The following MAN1A1 variants were observed in gnomAD, a reference collection of about 807,000 sequenced individuals.
MAN1A1 encodes mannosyl-oligosaccharide 1,2-alpha-mannosidase IA.
A neutral mutation model predicts 70.8 loss-of-function variants in MAN1A1; 29 were observed. The observed-to-expected ratio is 0.41, with a 90% CI of 0.31 to 0.56. The LOEUF is 0.56. Ranked by LOEUF, MAN1A1 falls within the 20% of genes least tolerant of loss-of-function variation. The probability of loss-of-function intolerance (pLI) is 0.29; values close to 1 mark genes in which losing one functional copy is unlikely to be tolerated. For synonymous variants in MAN1A1, 349 were observed against 330.1 expected (o/e 1.06, Z -0.62); for missense variants, 747 against 841.3 (o/e 0.89, Z 1.39).
intron 5 of MAN1A1, among the ~76,000 whole-genome samples, chr6:119,288,909 C>T (rs966461241): frequency 1.3e-5 from 2 of 151,480 alleles, no homozygotes; most frequent in Admixed American, 6.6e-5. Flanking sequence ...GTGATAATGG[C>T]AAAACAGACT....
In MAN1A1 at chr6:119,310,973, G is replaced by A. The variant is rs953812546; in HGVS notation, c.604-3981C>T. 8.5e-5 allele frequency among the ~76,000 whole-genome samples: 13 copies of A among 152,310 alleles called. No homozygotes were observed. The East Asian group carries it at 2.3e-3, about 27-fold the overall frequency. The stretch of plus-strand genomic sequence containing the variant: ...CTTCTCATTTACTGAGGAGTAAGGC[G>A]TAAAAGCGGGTCACGGGCGAACGCA... On this transcript the variant is annotated intron_variant, in intron 2 of 12. Coordinates refer to ENST00000368468, the MANE Select transcript of MAN1A1 (RefSeq NM_005907.4).
At chr6:119,209,251 TTAAA>T (rs1237693314) in intron 6 of MAN1A1, among the ~76,000 whole-genome samples, 8 of 152,172 alleles carry the variant, frequency 5.3e-5, no homozygotes, top group Admixed American at 5.2e-4. Context: ...AAACAAAGCA[TTAAA>T]TAGTTATAAA....
At chr6:119,306,231 T>G (rs1187619305) in intron 3 of MAN1A1, among the ~76,000 whole-genome samples, 1 of 152,104 alleles carries the variant, frequency 6.6e-6, no homozygotes, top group African/African-American at 2.4e-5. Flanking sequence ...AGAAATCAAG[T>G]GCAGTAGGAG....
At chr6:119,216,196 G>A (rs1041436487) in intron 6 of MAN1A1, among the ~76,000 whole-genome samples, 1 of 152,166 alleles carries the variant, frequency 6.6e-6, no homozygotes, top group Non-Finnish European at 1.5e-5. Context: ...AGCATTCCAG[G>A]CTTTTAAACA....
At chr6:119,243,891 G>A (rs891207904) in intron 6 of MAN1A1, among the ~76,000 whole-genome samples, 3 of 151,980 alleles carry the variant, frequency 2.0e-5, no homozygotes, top group Non-Finnish European at 4.4e-5. Context: ...CCTTCATGGT[G>A]TGCAATAAAA....
intron 8 of MAN1A1, among the ~76,000 whole-genome samples, chr6:119,194,617 C>G (rs1697547274): frequency 1.3e-5 from 2 of 152,184 alleles, no homozygotes; most frequent in Non-Finnish European, 2.9e-5. Flanking sequence ...AACCACTGTG[C>G]TCAGCCTATT....
In MAN1A1 at chr6:119,180,094, T is replaced by C. The variant is rs1773110542; in HGVS notation, c.1836-149A>G. 4 of 888,924 alleles carry C rather than the reference T, an allele frequency of 4.5e-6. No homozygotes were observed. The East Asian group carries it at 7.7e-5, about 17-fold the overall frequency. 55.1% of individuals were successfully genotyped at this position (888,924 alleles called of 1,614,324 possible). ...AATATATCAAAACCCTGAGGGGTTA[T>C]ACTCATTAACATGGGGTAAAGCAGC... On this transcript the variant is annotated intron_variant, in intron 12 of 12. Coordinates refer to ENST00000368468, the MANE Select transcript of MAN1A1 (RefSeq NM_005907.4).
chr6:119,313,817 G>A (rs1396067908), intron 2 of MAN1A1, among the ~76,000 whole-genome samples: 1 of 151,478 alleles, frequency 6.6e-6, no homozygotes, highest in African/African-American at 2.4e-5. Flanking sequence ...TGGTAGGCTC[G>A]AAAAAGGGGT....
chr6:119,314,867 C>T (rs1327275619), intron 2 of MAN1A1, among the ~76,000 whole-genome samples: 1 of 152,138 alleles, frequency 6.6e-6, no homozygotes, highest in African/African-American at 2.4e-5. Context: ...CAGCTCTGTA[C>T]CTAACTTTTC....
intron 5 of MAN1A1, among the ~76,000 whole-genome samples, chr6:119,287,747 A>G (rs1312921280): frequency 2.0e-5 from 3 of 152,008 alleles, no homozygotes; most frequent in Non-Finnish European, 4.4e-5. Flanking sequence ...TCTTTAGAAC[A>G]TATTTTGGGT....
chr6:119,320,631 CA>C lies in MAN1A1; in HGVS notation c.604-13640del, dbSNP rs143520159. Among the ~76,000 whole-genome samples, 1,172 of 135,694 alleles carry C rather than the reference CA, an allele frequency of 8.6e-3. 32 individuals carry two copies. The East Asian group carries it at 0.099, about 11-fold the overall frequency. The allele number at this position is 135,694 out of a possible 152,430, so 89.0% of individuals were successfully genotyped here. ...GGGGGAAGGCACAAACGGTTAAAAACAAAAAAAAAAAGAGGTATGTGGTCGG... is the reference window on the plus strand; with the variant it reads ...GGGGGAAGGCACAAACGGTTAAAAACAAAAAAAAAAGAGGTATGTGGTCGG... On this transcript the variant is annotated intron_variant, in intron 2 of 12. Transcript: ENST00000368468.
chr6:119,212,664 G>A (rs1774087776), intron 6 of MAN1A1, among the ~76,000 whole-genome samples: 1 of 152,122 alleles, frequency 6.6e-6, no homozygotes, highest in Non-Finnish European at 1.5e-5. Context: ...AACAGTTTTT[G>A]GAAAACCATT....
chr6:119,269,151 G>T, intron 5 of MAN1A1: 1 of 182,066 alleles, frequency 5.5e-6, no homozygotes, highest in South Asian at 8.8e-5. Context: ...GGAGTCCATA[G>T]GTCTTGAGGA....
At chr6:119,245,718 G>T (rs1775151939) in intron 6 of MAN1A1, among the ~76,000 whole-genome samples, 1 of 152,060 alleles carries the variant, frequency 6.6e-6, no homozygotes, top group Non-Finnish European at 1.5e-5. Context: ...CATGCATGTT[G>T]CCAAGAAGAA....
intron 2 of MAN1A1, among the ~76,000 whole-genome samples, chr6:119,328,869 TA>T (rs1773228492): frequency 6.6e-6 from 1 of 152,184 alleles, no homozygotes; most frequent in Non-Finnish European, 1.5e-5. Context: ...TGGAACAATA[TA>T]AAATGCTAAA....
Position 119,306,949 on chromosome 6 carries a change from C to T in MAN1A1, c.647G>A (p.Gly216Glu). The T allele has an allele frequency of 6.2e-7, 1 of 1,600,018 alleles. No homozygotes were observed. The highest frequency in any genetic ancestry group is 8.6e-7 in the Non-Finnish European group (1 of 1,167,424). ...AWNNYKGYAWGLNELKPISKG... is the reference protein window; with the variant it reads ...AWNNYKGYAWELNELKPISKG... ...TGATATAGGTTTGAGTTCATTTAAT[C>T]CCCAGGCATAACCTTTATAATTATT... The change falls in exon 3 of 13, where the codon GGA (glycine) becomes GAA (glutamate). Residue 216 changes from glycine to glutamate, a missense_variant. Transcript: ENST00000368468.
intron 11 of MAN1A1, among the ~76,000 whole-genome samples, chr6:119,182,426 CA>C (rs1773176979): frequency 6.6e-6 from 1 of 151,834 alleles, no homozygotes. Context: ...AAATCATTGC[CA>C]AGCTCAATGT....
At chr6:119,346,680 T>G (rs972465348) in intron 2 of MAN1A1, among the ~76,000 whole-genome samples, 5 of 152,238 alleles carry the variant, frequency 3.3e-5, no homozygotes. Flanking sequence ...CTGGTTCTGC[T>G]CTGAATGCAC....
intron 2 of MAN1A1, among the ~76,000 whole-genome samples, chr6:119,335,921 T>A (rs1451399120): frequency 1.3e-5 from 2 of 152,202 alleles, no homozygotes; most frequent in African/African-American, 4.8e-5. Context: ...ATTTGTGACT[T>A]CACTGTGACT....
Sources: allele counts gnomAD v4.1 joint callset (sites outside exome capture counted in the v4.1 genomes callset), GRCh38; gene constraint gnomAD v4.1.1; transcripts MANE v1.5; gene names NCBI Gene and HGNC (gene_info 2026-07-23, HGNC 2026-07-21).